The following FAM199X variants were observed in gnomAD, a reference collection of about 807,000 sequenced individuals.
FAM199X encodes the protein family with sequence similarity 199, X-linked.
Under a neutral mutation model 22.9 loss-of-function variants are expected in FAM199X, and 4 were observed. The ratio of observed to expected loss-of-function variants is 0.17; its 90% CI spans 0.09 to 0.40. FAM199X has a LOEUF of 0.40. FAM199X is among the 10% of genes least tolerant of loss of function. The probability of loss-of-function intolerance (pLI) is 1.00; values close to 1 mark genes in which losing one functional copy is unlikely to be tolerated. For synonymous variants in FAM199X, 101 were observed against 112.3 expected (o/e 0.90, Z 0.64); for missense variants, 183 against 306.8 (o/e 0.60, Z 3.01).
rs1357212273 is a variant in FAM199X, at chrX:104,192,408, A to G, written c.*2630A>G. On this transcript the variant is annotated 3_prime_UTR_variant, in exon 6 of 6. Coordinates refer to ENST00000493442, the MANE Select transcript of FAM199X (RefSeq NM_207318.4). ...TAGTATTGGTTCTCATCTGTAGAGA[A>G]CTGACATTGGAGCAAATTTTAAGTC... The G allele has an allele frequency of 9.0e-6, 1 of 111,702 alleles. No homozygotes were observed. 9.2% of individuals were successfully genotyped at this position (111,702 alleles called of 1,213,427 possible).
intron 2 of FAM199X, among the ~76,000 whole-genome samples, chrX:104,180,219 G>C (rs1332870715): frequency 9.4e-6 from 1 of 106,553 alleles, no homozygotes; most frequent in East Asian, 2.9e-4. Context: ...GGGCTCAAGC[G>C]ATCCTTCCAC....
chrX:104,182,299 A>G (rs1041883619), intron 2 of FAM199X, among the ~76,000 whole-genome samples: 1 of 110,327 alleles, frequency 9.1e-6, no homozygotes, highest in Non-Finnish European at 1.9e-5. Context: ...GTAAATTTTC[A>G]TGTTATATTT....
upstream of FAM199X, among the ~76,000 whole-genome samples, chrX:104,161,526 G>C (rs896460356): frequency 8.9e-6 from 1 of 111,786 alleles, no homozygotes. Context: ...TTTTACGGGG[G>C]AACAATATAT....
chrX:104,187,811 A>C (rs183077992), intron 4 of FAM199X, among the ~76,000 whole-genome samples: 12 of 112,166 alleles, frequency 1.1e-4, no homozygotes, highest in African/African-American at 3.2e-4. Context: ...TTTACTGATT[A>C]TATTTTATGT....
chrX:104,189,563 G>A lies in FAM199X; in HGVS notation c.997-45G>A, dbSNP rs781994619. ...CCACAAAACATTTTGGGGTGGATATGCCAAAAACTAAACCAAACTGATTTA... is the reference window on the plus strand; with the variant it reads ...CCACAAAACATTTTGGGGTGGATATACCAAAAACTAAACCAAACTGATTTA... On this transcript the variant is annotated intron_variant, in intron 5 of 5. Coordinates refer to ENST00000493442, the MANE Select transcript of FAM199X (RefSeq NM_207318.4). 4.2e-6 allele frequency: 5 copies of A among 1,185,611 alleles called. No individual in the cohort carries two copies. The Admixed American group carries it at 1.1e-4, about 26-fold the overall frequency.
intron 2 of FAM199X, among the ~76,000 whole-genome samples, chrX:104,179,380 T>C (rs1460000313): frequency 8.9e-6 from 1 of 112,185 alleles, no homozygotes; most frequent in Non-Finnish European, 1.9e-5. Flanking sequence ...TTCCTAAATA[T>C]TGTATTCTTT....
chrX:104,167,508 C>G (rs1921242161), intron 1 of FAM199X, among the ~76,000 whole-genome samples: 1 of 110,178 alleles, frequency 9.1e-6, no homozygotes, highest in East Asian at 2.8e-4. Context: ...GCCACCACCC[C>G]TACCCCATTT....
the FAM199X span, among the ~76,000 whole-genome samples, chrX:104,161,099 G>A: frequency 9.1e-6 from 1 of 110,060 alleles, no homozygotes; most frequent in African/African-American, 3.3e-5. Flanking sequence ...TTGCTGTTTA[G>A]CAAAATATAT....
intron 4 of FAM199X, among the ~76,000 whole-genome samples, chrX:104,187,767 C>G (rs1257217521): frequency 8.9e-6 from 1 of 111,837 alleles, no homozygotes. Context: ...CATTTTTTTA[C>G]AGTCCTAAAT....
chrX:104,182,255 G>T (rs937222457), intron 2 of FAM199X, among the ~76,000 whole-genome samples: 2 of 110,628 alleles, frequency 1.8e-5, no homozygotes, highest in African/African-American at 6.6e-5. Context: ...CCAGAGTGCT[G>T]GGATTACAGG....
chrX:104,184,480 T>C lies in FAM199X; in HGVS notation c.418-1586T>C, dbSNP rs185958203. Among the ~76,000 whole-genome samples, 300 of 112,307 alleles carry C rather than the reference T, an allele frequency of 2.7e-3. 2 individuals carry two copies. Among genetic ancestry groups the C allele is most frequent in the African/African-American group, 9.2e-3 (286 of 30,978 alleles). On this transcript the variant is annotated intron_variant, in intron 2 of 5. Transcript: ENST00000493442. ...TGATGAATGACTTAAATATATTTAT[T>C]TAAAATTAAATCCATTCTAACTTTT...
Position 104,193,130 on chromosome X carries a change from A to C in FAM199X, c.*3352A>C, listed in dbSNP as rs1436244331. On this transcript the variant is annotated 3_prime_UTR_variant, in exon 6 of 6. Transcript: ENST00000493442. ...TCAATATCAGGCTTTTCAAAACTCAAAAACAATCCAAATGTTGTAATTTGT... is the reference window on the plus strand; with the variant it reads ...TCAATATCAGGCTTTTCAAAACTCACAAACAATCCAAATGTTGTAATTTGT... The C allele has an allele frequency of 3.6e-5, 4 of 111,654 alleles. No homozygotes were observed. The highest frequency in any genetic ancestry group is 7.6e-5 in the Non-Finnish European group (4 of 52,939). 9.2% of individuals were successfully genotyped at this position (111,654 alleles called of 1,213,427 possible). A position where few individuals can be genotyped will look rare whatever the true frequency, so the allele number is the denominator to read the frequency against.
chrX:104,188,554 T>G lies in FAM199X; in HGVS notation c.996+248T>G, dbSNP rs531083346. Among the ~76,000 whole-genome samples the G allele has an allele frequency of 5.3e-4, 59 of 111,655 alleles. No homozygotes were observed. In the South Asian group the frequency reaches 0.012, roughly 24 times the overall value. ...ATTTTTGTGTATGTTTTAAGTAAGATAAATTGGTGGAAATAATGAGTTATT... is the reference window on the plus strand; with the variant it reads ...ATTTTTGTGTATGTTTTAAGTAAGAGAAATTGGTGGAAATAATGAGTTATT... On this transcript the variant is annotated intron_variant, in intron 5 of 5. Transcript: ENST00000493442.
Position 104,166,641 on chromosome X carries a change from G to C in FAM199X, c.-145G>C, listed in dbSNP as rs1258076592. On this transcript the variant is annotated 5_prime_UTR_variant, in exon 1 of 6. Transcript: ENST00000493442. ...GCCCCGCACCCCGGCAAGCAGCAGC[G>C]GGCCGCGACGCCCAGCCTGCCAGTG... is the stretch of plus-strand genomic sequence containing the variant. 1.4e-5 allele frequency: 7 copies of C among 494,122 alleles called. No individual in the cohort carries two copies. The highest frequency in any genetic ancestry group is 2.2e-5 in the Non-Finnish European group (7 of 317,679). The allele number at this position is 494,122 out of a possible 1,213,427, so 40.7% of individuals were successfully genotyped here.
intron 1 of FAM199X, among the ~76,000 whole-genome samples, chrX:104,170,890 T>G (rs182247186): frequency 1.1e-4 from 12 of 111,934 alleles, no homozygotes; most frequent in African/African-American, 3.2e-4. Flanking sequence ...CTTGGAACCT[T>G]GGTGGCCTGT....
In FAM199X at chrX:104,194,308, G is replaced by A. The variant is rs2147900432; in HGVS notation, c.*4530G>A. 1 of 111,423 alleles carries A rather than the reference G, an allele frequency of 9.0e-6. No individual in the cohort carries two copies. The highest frequency in any genetic ancestry group is 2.8e-4 in the East Asian group (1 of 3,562). 9.2% of individuals were successfully genotyped at this position (111,423 alleles called of 1,213,427 possible). On this transcript the variant is annotated 3_prime_UTR_variant, in exon 6 of 6. Coordinates refer to ENST00000493442, the MANE Select transcript of FAM199X (RefSeq NM_207318.4). ...AAATCTGTGTTCATTTTTGTGGTGAGGGATGGGGGTGAAAAAGGGGAGACT... is the reference window on the plus strand; with the variant it reads ...AAATCTGTGTTCATTTTTGTGGTGAAGGATGGGGGTGAAAAAGGGGAGACT...
At chrX:104,184,072 C>T (rs1305061637) in intron 2 of FAM199X, among the ~76,000 whole-genome samples, 1 of 112,271 alleles carries the variant, frequency 8.9e-6, no homozygotes, top group Non-Finnish European at 1.9e-5. Flanking sequence ...CTAGATATTT[C>T]CATTGATGAC....
In FAM199X at chrX:104,166,573, G is replaced by T; in HGVS notation, c.-213G>T. 6.5e-6 allele frequency: 2 copies of T among 309,214 alleles called. No individual in the cohort carries two copies. The highest frequency in any genetic ancestry group is 2.0e-4 in the South Asian group (2 of 9,879). The allele number at this position is 309,214 out of a possible 1,213,427, so 25.5% of individuals were successfully genotyped here. ...CAGAGGCCACCGGGGCGCTAACTGG[G>T]TGGCCGGTGGGCCGCTGTGGCCTCG... On this transcript the variant is annotated 5_prime_UTR_variant, in exon 1 of 6. Transcript: ENST00000493442.
intron 3 of FAM199X, 55 bp from the exon 4 acceptor site, chrX:104,186,405 A>C (rs1921808028): frequency 8.7e-7 from 1 of 1,151,861 alleles, no homozygotes; most frequent in Admixed American, 2.3e-5. Context: ...TAATTGACAT[A>C]ATAAAGGATC....
Sources: gnomAD v4.1 joint callset for allele counts (sites outside exome capture counted in the v4.1 genomes callset) on GRCh38, gnomAD v4.1.1 for gene constraint, MANE v1.5 for transcripts, NCBI Gene and HGNC (gene_info 2026-07-23, HGNC 2026-07-21) for gene names.